The following CHRM2 variants were observed in gnomAD, a reference collection of about 807,000 sequenced individuals.
The protein encoded by CHRM2 is cholinergic receptor muscarinic 2, also known as muscarinic acetylcholine receptor M2.
CHRM2 carries 8 observed loss-of-function variants against 25.0 expected under a neutral mutation model. The ratio of observed to expected loss-of-function variants is 0.32; its 90% confidence interval spans 0.19 to 0.58. The LOEUF (loss-of-function observed/expected upper bound fraction) is 0.58. CHRM2 is among the 20% of genes least tolerant of loss of function. The pLI is 0.88. For synonymous variants in CHRM2, 202 were observed against 205.7 expected (o/e 0.98, Z 0.15); for missense variants, 440 against 567.1 (o/e 0.78, Z 2.28).
intron 2 of CHRM2, among the ~76,000 whole-genome samples, chr7:136,874,013 A>T (rs1392025490): frequency 6.6e-6 from 1 of 152,224 alleles, no homozygotes; most frequent in Non-Finnish European, 1.5e-5. Flanking sequence ...GATAATTTTG[A>T]TATCATTCAG....
intron 2 of CHRM2, among the ~76,000 whole-genome samples, chr7:136,966,755 G>A (rs952252594): frequency 6.6e-6 from 1 of 151,240 alleles, no homozygotes; most frequent in African/African-American, 2.4e-5. Flanking sequence ...CAGGACATGG[G>A]GACCATTATT....
At chr7:136,906,597 AT>A (rs1173234106) in intron 2 of CHRM2, among the ~76,000 whole-genome samples, 1 of 151,256 alleles carries the variant, frequency 6.6e-6, no homozygotes, top group African/African-American at 2.4e-5. Flanking sequence ...TATATTTGTA[AT>A]TTTTTTTCTA....
intron 2 of CHRM2, among the ~76,000 whole-genome samples, chr7:136,894,813 A>C (rs1182869950): frequency 6.6e-6 from 1 of 152,200 alleles, no homozygotes; most frequent in Admixed American, 6.5e-5. Context: ...CCATCCATCC[A>C]TCCCCAGGAA....
chr7:136,984,985 T>G (rs1217087732), intron 2 of CHRM2, among the ~76,000 whole-genome samples: 1 of 152,088 alleles, frequency 6.6e-6, no homozygotes, highest in Non-Finnish European at 1.5e-5. Flanking sequence ...TCTCCCAGAC[T>G]TATTTGACAG....
At chr7:137,003,931 T>C (rs1804243044) in intron 3 of CHRM2, among the ~76,000 whole-genome samples, 1 of 152,096 alleles carries the variant, frequency 6.6e-6, no homozygotes, top group Non-Finnish European at 1.5e-5. Context: ...TCGGCACTTC[T>C]CTCCCCTGCC....
intron 2 of CHRM2, among the ~76,000 whole-genome samples, chr7:136,978,850 T>C (rs535184705): frequency 4.6e-5 from 7 of 152,338 alleles, no homozygotes; most frequent in East Asian, 3.9e-4. Flanking sequence ...CAGTGTAGCA[T>C]TGATGGGCAT....
chr7:136,992,998 T>C (rs1803332204), intron 3 of CHRM2, among the ~76,000 whole-genome samples: 1 of 152,210 alleles, frequency 6.6e-6, no homozygotes, highest in South Asian at 2.1e-4. Context: ...TAATTATATA[T>C]ACAAAATACC....
chr7:136,952,103 G>A (rs1800446919), intron 2 of CHRM2, among the ~76,000 whole-genome samples: 3 of 152,146 alleles, frequency 2.0e-5, no homozygotes, highest in Admixed American at 6.5e-5. Context: ...GTCCCACTTC[G>A]ACAAGGGCAG....
At chr7:136,946,518 G>A (rs144486080) in intron 2 of CHRM2, among the ~76,000 whole-genome samples, 30 of 152,116 alleles carry the variant, frequency 2.0e-4, no homozygotes, top group Admixed American at 1.4e-3. Flanking sequence ...TCAATAAACC[G>A]TACTCCTTTT....
intron 3 of CHRM2, among the ~76,000 whole-genome samples, chr7:137,011,194 C>CGTGTGTGTGTGTGTGTGTGTGT (rs146093146): frequency 7.3e-6 from 1 of 136,362 alleles, no homozygotes; most frequent in African/African-American, 3.1e-5. Context: ...TATATGTGTA[C>CGTGTGTGTGTGTGTGTGTGTGT]GTGTGTGTGT....
chr7:136,924,396 G>A (rs1798620587), intron 2 of CHRM2, among the ~76,000 whole-genome samples: 1 of 134,962 alleles, frequency 7.4e-6, no homozygotes, highest in African/African-American at 2.9e-5. Flanking sequence ...GATGTGTGAT[G>A]TTCCCCTTCC....
Position 137,016,094 on chromosome 7 carries a change from A to G in CHRM2, c.1229A>G (p.Asn410Ser), listed in dbSNP as rs769003230. 1 of 1,612,270 alleles carries G rather than the reference A, an allele frequency of 6.2e-7. No homozygotes were observed. The highest frequency in any genetic ancestry group is 8.5e-7 in the Non-Finnish European group (1 of 1,178,976). Residue 410 changes from asparagine (N) to serine (S), a missense_variant, in exon 4 of 4, where the codon AAC becomes AGC. Asn to Ser is a conservative substitution (Grantham distance 46). Around this residue, in one of 5 missense-constraint regions of CHRM2, gnomAD observed 65 missense variants for 108.9 expected, o/e 0.60. Transcript: ENST00000680005. ...CCATACAATGTCATGGTGCTCATTA[A>G]CACCTTTTGTGCACCTTGCATCCCC... is the stretch of plus-strand genomic sequence containing the variant. ...WAPYNVMVLINTFCAPCIPNT... is the reference protein window; with the variant it reads ...WAPYNVMVLISTFCAPCIPNT...
At chr7:136,966,547 G>A (rs1388099302) in intron 2 of CHRM2, among the ~76,000 whole-genome samples, 1 of 151,808 alleles carries the variant, frequency 6.6e-6, no homozygotes, top group African/African-American at 2.4e-5. Flanking sequence ...ACAGTATTTT[G>A]CCTGCCCTTG....
In CHRM2 at chr7:136,909,938, G is replaced by A. The variant is rs148343974; in HGVS notation, c.-125+40520G>A. ...AAACAATGGGTGAAAAAGTGTTATT[G>A]GTTGGATACATTTTTCCTCCATGAT... On this transcript the variant is annotated intron_variant, in intron 2 of 3. Coordinates refer to ENST00000680005, the MANE Select transcript of CHRM2 (RefSeq NM_001006630.2). Among the ~76,000 whole-genome samples, 146 of 151,758 alleles carry A rather than the reference G, an allele frequency of 9.6e-4. 1 individual carries two copies. Among genetic ancestry groups the A allele is most frequent in the Admixed American group, 1.4e-3 (22 of 15,188 alleles).
chr7:136,880,677 T>C (rs1220440503), intron 2 of CHRM2, among the ~76,000 whole-genome samples: 1 of 151,834 alleles, frequency 6.6e-6, no homozygotes. Context: ...ACAGCAAAAT[T>C]GAGAAGAACT....
intron 3 of CHRM2, among the ~76,000 whole-genome samples, chr7:136,997,782 A>G (rs1803702419): frequency 6.6e-6 from 1 of 152,220 alleles, no homozygotes; most frequent in African/African-American, 2.4e-5. Flanking sequence ...TGTCTGAAAC[A>G]TGCCCTCTCC....
intron 3 of CHRM2, among the ~76,000 whole-genome samples, chr7:137,001,324 T>C (rs374991494): frequency 8.5e-5 from 13 of 152,250 alleles, no homozygotes; most frequent in South Asian, 4.1e-4. Flanking sequence ...AAAGAAAATA[T>C]ATATACTGAG....
rs1411609001 is a variant in CHRM2, at chr7:136,968,723, T to A, written c.-124-23464T>A. On this transcript the variant is annotated intron_variant, in intron 2 of 3. Coordinates refer to ENST00000680005, the MANE Select transcript of CHRM2 (RefSeq NM_001006630.2). Reference sequence around the variant, plus strand: ...ATTATATATATTGTATTATCATAAATATATATATATATATATATATACAGA... The same window carrying A: ...ATTATATATATTGTATTATCATAAAAATATATATATATATATATATACAGA... Among the ~76,000 whole-genome samples the A allele has an allele frequency of 3.3e-5, 4 of 120,352 alleles. No individual in the cohort carries two copies. The South Asian group carries it at 7.1e-4, about 21-fold the overall frequency. The allele number at this position is 120,352 out of a possible 152,430, so 79.0% of individuals were successfully genotyped here.
At chr7:137,008,972 T>C (rs924614433) in intron 3 of CHRM2, among the ~76,000 whole-genome samples, 5 of 152,118 alleles carry the variant, frequency 3.3e-5, no homozygotes, top group African/African-American at 9.6e-5. Flanking sequence ...CAGCACTTGC[T>C]GGGTCTGTTA....
Sources: allele counts gnomAD v4.1 joint callset (sites outside exome capture counted in the v4.1 genomes callset), GRCh38; gene constraint gnomAD v4.1.1; regional missense constraint gnomAD v4.1.1; transcripts MANE v1.5; gene names NCBI Gene and HGNC (gene_info 2026-07-23, HGNC 2026-07-21).